Variants in ERBB4 observed in about 807,000 individuals in gnomAD.
ERBB4 encodes receptor tyrosine-protein kinase erbB-4.
Under a neutral mutation model 158.0 loss-of-function variants are expected in ERBB4, and 42 were observed. The ratio of observed to expected loss-of-function variants is 0.27; its 90% confidence interval spans 0.21 to 0.34. The LOEUF (loss-of-function observed/expected upper bound fraction) is 0.34. Among genes scored for constraint, ERBB4 ranks in the 10% least tolerant of loss-of-function variants. The pLI, the probability that ERBB4 is intolerant of heterozygous loss-of-function variation, is 1.00. For missense variants in ERBB4, 1,333 were observed against 1,624.1 expected, an observed-to-expected ratio of 0.82 and a Z score of 3.08; for synonymous variants, 583 against 558.7, an observed-to-expected ratio of 1.04 and a Z score of -0.61.
At chr2:211,490,930 A>AATG in intron 20 of ERBB4, among the ~76,000 whole-genome samples, 1 of 152,180 alleles carries the variant, frequency 6.6e-6, no homozygotes, top group South Asian at 2.1e-4. Context: ...AAACTGTGTG[A>AATG]TGTTTCAGGA....
intron 1 of ERBB4, among the ~76,000 whole-genome samples, chr2:212,537,098 C>T (rs1207909445): frequency 2.0e-5 from 3 of 151,406 alleles, no homozygotes; most frequent in African/African-American, 7.3e-5. Flanking sequence ...TTGAAAGACT[C>T]GATAATTGTA....
chr2:211,401,460 A>C (rs1297908276), intron 25 of ERBB4, among the ~76,000 whole-genome samples: 1 of 152,000 alleles, frequency 6.6e-6, no homozygotes. Flanking sequence ...ATTCATGATG[A>C]GGCATTGTCA....
chr2:212,163,792 C>T lies in ERBB4; in HGVS notation c.83-38889G>A, dbSNP rs114572588. 6.1e-3 allele frequency among the ~76,000 whole-genome samples: 933 copies of T among 151,826 alleles called. 6 individuals are homozygous for T. Among genetic ancestry groups the T allele is most frequent in the Middle Eastern group, 0.024 (7 of 294 alleles). ...GACCTTTTGTGCATGACATACTGAT[C>T]AATTTTTTGTTTTTGTTTGAGGGAG... On this transcript the variant is annotated intron_variant, in intron 1 of 27. Transcript: ENST00000342788.
chr2:211,409,990 C>A (rs189909589), intron 25 of ERBB4, among the ~76,000 whole-genome samples: 1 of 152,120 alleles, frequency 6.6e-6, no homozygotes, highest in African/African-American at 2.4e-5. Context: ...TCACTTCACT[C>A]AGAGTTCATC....
intron 2 of ERBB4, among the ~76,000 whole-genome samples, chr2:211,996,622 G>C (rs1308758754): frequency 6.6e-6 from 1 of 152,100 alleles, no homozygotes; most frequent in African/African-American, 2.4e-5. Context: ...TAGATTGTAA[G>C]TTTTAAAAGA....
rs528961993 is a variant in ERBB4 at position 211,982,182 on chromosome 2, A to T, written c.235-34566T>A. On this transcript the variant is annotated intron_variant, in intron 2 of 27. Transcript: ENST00000342788. ...CTTCAATATAGCTTTATAGAGATTC[A>T]TGAGAAAAGAGACAGTCCCTGTCCT... Among the ~76,000 whole-genome samples the T allele has an allele frequency of 5.5e-4, 83 of 152,234 alleles. 2 individuals are homozygous for T. In the South Asian group the frequency reaches 0.017, roughly 30 times the overall value.
chr2:211,421,521 A>G (rs1295474560), intron 24 of ERBB4, among the ~76,000 whole-genome samples: 18 of 151,940 alleles, frequency 1.2e-4, no homozygotes, highest in Non-Finnish European at 1.2e-4. Flanking sequence ...GAATTGAGTT[A>G]TTGCTTAGAT....
intron 1 of ERBB4, among the ~76,000 whole-genome samples, chr2:212,240,637 CAAAAAAAAAAAAAAAA>C (rs71054188): frequency 2.8e-5 from 1 of 35,808 alleles, no homozygotes; most frequent in Non-Finnish European, 5.3e-5. Flanking sequence ...CACTCTGGCT[CAAAAAAAAAAAAAAAA>C]AAAAAAAAAA....
At chr2:211,886,862 C>T (rs72933728) in intron 3 of ERBB4, among the ~76,000 whole-genome samples, 2,050 of 152,246 alleles carry the variant, frequency 0.013, 19 homozygotes, top group Middle Eastern at 0.024. Context: ...ACATTGAAGG[C>T]AGTTAAACTT....
intron 1 of ERBB4, among the ~76,000 whole-genome samples, chr2:212,234,720 C>A (rs1056471856): frequency 6.6e-6 from 1 of 152,214 alleles, no homozygotes; most frequent in Non-Finnish European, 1.5e-5. Flanking sequence ...ACTTACATTT[C>A]TCTAATGACC....
At chr2:211,881,607 G>T (rs1250077827) in intron 3 of ERBB4, among the ~76,000 whole-genome samples, 1 of 139,090 alleles carries the variant, frequency 7.2e-6, no homozygotes. Flanking sequence ...GGGGTCGGGG[G>T]GGCTGAGATT....
At chr2:212,241,172 G>A (rs985728140) in intron 1 of ERBB4, among the ~76,000 whole-genome samples, 3 of 152,016 alleles carry the variant, frequency 2.0e-5, no homozygotes, top group East Asian at 3.9e-4. Context: ...CAGGAGGTTC[G>A]CTTGAGCCCA....
At chr2:211,903,718 A>G (rs1245198301) in intron 3 of ERBB4, among the ~76,000 whole-genome samples, 1 of 151,964 alleles carries the variant, frequency 6.6e-6, no homozygotes, top group African/African-American at 2.4e-5. Context: ...CCTAAACAAT[A>G]TACTGATAAA....
intron 14 of ERBB4, among the ~76,000 whole-genome samples, chr2:211,672,093 A>G (rs1311691479): frequency 6.6e-6 from 1 of 152,180 alleles, no homozygotes; most frequent in African/African-American, 2.4e-5. Flanking sequence ...TTCTTTAGAT[A>G]AAGTTCCAGA....
chr2:211,637,237 G>A (rs1181362814), intron 16 of ERBB4, among the ~76,000 whole-genome samples: 1 of 151,904 alleles, frequency 6.6e-6, no homozygotes, highest in Non-Finnish European at 1.5e-5. Flanking sequence ...TGTTCTTGCT[G>A]TAAGAAAAAT....
intron 20 of ERBB4, among the ~76,000 whole-genome samples, chr2:211,552,532 AG>A: frequency 6.6e-6 from 1 of 152,196 alleles, no homozygotes; most frequent in South Asian, 2.1e-4. Context: ...CCTTTCAACT[AG>A]TTTCAATGGC....
intron 1 of ERBB4, among the ~76,000 whole-genome samples, chr2:212,286,932 C>A (rs1267019876): frequency 6.6e-6 from 1 of 151,234 alleles, no homozygotes; most frequent in Non-Finnish European, 1.5e-5. Flanking sequence ...AATATATATC[C>A]TAAAGCGCAA....
At chr2:212,477,641 A>T (rs1689471939) in intron 1 of ERBB4, among the ~76,000 whole-genome samples, 1 of 152,100 alleles carries the variant, frequency 6.6e-6, no homozygotes, top group South Asian at 2.1e-4. Context: ...GAATATTTCC[A>T]CTTTATTGCT....
At chr2:211,777,558 A>C (rs1349352329) in intron 4 of ERBB4, 3 of 152,082 alleles carry the variant, frequency 2.0e-5, no homozygotes, top group African/African-American at 7.2e-5. Flanking sequence ...TAATTCCACT[A>C]ATTCTACTAT....
Sources: allele counts gnomAD v4.1 joint callset (sites outside exome capture counted in the v4.1 genomes callset), GRCh38; gene constraint gnomAD v4.1.1; transcripts MANE v1.5; gene names NCBI Gene and HGNC (gene_info 2026-07-23, HGNC 2026-07-21).